Variants in MIAT observed in about 807,000 individuals in gnomAD.
The protein encoded by MIAT is MI related novel mRNA.
exon 5 of MIAT, chr22:26,675,605 A>G (rs1354910932): frequency 5.0e-6 from 2 of 398,562 alleles, no homozygotes; most frequent in Non-Finnish European, 8.8e-6. Flanking sequence ...TATCTCTGCA[A>G]TGACTGGAAA....
chr22:26,668,458 T>C (rs1930930173), exon 6 of MIAT: 2 of 398,748 alleles, frequency 5.0e-6, no homozygotes, highest in Non-Finnish European at 8.8e-6. Flanking sequence ...GGGCCCTGCC[T>C]GCTGGGCCCT....
downstream of MIAT, chr22:26,673,927 GT>G (rs535864809): frequency 4.7e-3 from 1,866 of 398,638 alleles, 14 homozygotes; most frequent in Non-Finnish European, 6.5e-3. Flanking sequence ...TCTGCATTTG[GT>G]TTCAGTTCTT....
intron 2 of MIAT, among the ~76,000 whole-genome samples, chr22:26,648,889 A>G (rs534133164): frequency 1.8e-3 from 268 of 149,628 alleles, no homozygotes; most frequent in Non-Finnish European, 2.7e-3. Flanking sequence ...TTGAGAGAGA[A>G]AGAGAGAGAG....
chr22:26,654,137 C>G (rs1025992402), intron 2 of MIAT, among the ~76,000 whole-genome samples: 1 of 152,174 alleles, frequency 6.6e-6, no homozygotes, highest in Non-Finnish European at 1.5e-5. Flanking sequence ...CCATTAACTT[C>G]TTGGTTTTGC....
At chr22:26,673,035 C>T (rs55969394), downstream of MIAT, 15,743 of 398,578 alleles carry the variant, frequency 0.039, 533 homozygotes, top group Admixed American at 0.15. Context: ...AAAGATCCGT[C>T]CCATTCCCGG....
At chr22:26,658,348 C>T (rs1029555534) in intron 2 of MIAT, 3 of 152,234 alleles carry the variant, frequency 2.0e-5, no homozygotes, top group Non-Finnish European at 4.4e-5. Flanking sequence ...TGGTAAGAAA[C>T]AACCCCATTT....
chr22:26,661,689 C>T (rs1246717001), intron 2 of MIAT, among the ~76,000 whole-genome samples: 2 of 151,872 alleles, frequency 1.3e-5, no homozygotes, highest in Non-Finnish European at 2.9e-5. Context: ...GACTCTGAAA[C>T]ATGTGTTTGT....
intron 2 of MIAT, among the ~76,000 whole-genome samples, chr22:26,656,787 GCTA>G (rs1270706846): frequency 2.0e-5 from 3 of 152,166 alleles, no homozygotes; most frequent in African/African-American, 7.2e-5. Context: ...TGTAGTCCCA[GCTA>G]CTCCGAAGGC....
intron 2 of MIAT, among the ~76,000 whole-genome samples, chr22:26,650,928 C>T (rs948836367): frequency 1.3e-5 from 2 of 152,172 alleles, no homozygotes; most frequent in African/African-American, 2.4e-5. Context: ...CTCTAAGCCT[C>T]GCTTTCCTTA....
chr22:26,666,051 C>T, exon 4 of MIAT: 1 of 398,584 alleles, frequency 2.5e-6, no homozygotes, highest in South Asian at 1.3e-4. Flanking sequence ...AACACTGTGA[C>T]TTTAGATGCA....
At chr22:26,649,675 G>C (rs1347819777) in intron 2 of MIAT, among the ~76,000 whole-genome samples, 3 of 152,238 alleles carry the variant, frequency 2.0e-5, no homozygotes, top group Non-Finnish European at 2.9e-5. Context: ...AGCACTTTGG[G>C]ACACTGAGGC....
At chr22:26,668,614 G>A (rs1023273074) in exon 6 of MIAT, 6 of 398,826 alleles carry the variant, frequency 1.5e-5, no homozygotes, top group Non-Finnish European at 2.2e-5. Flanking sequence ...GACCCTACAG[G>A]ATGGGGACAG....
downstream of MIAT, chr22:26,673,983 G>T (rs1449424663): frequency 1.3e-5 from 5 of 398,682 alleles, no homozygotes; most frequent in Non-Finnish European, 8.8e-6. Flanking sequence ...ACAAGTAGAT[G>T]CAGCTCTTAT....
rs114500008 is a variant in MIAT at position 26,646,902 on chromosome 22, C to T, written n.451C>T. 2.2e-3 allele frequency: 876 copies of T among 398,556 alleles called. 12 individuals are homozygous for T. The highest frequency in any genetic ancestry group is 0.016 in the African/African-American group (790 of 48,712). The allele number at this position is 398,556 out of a possible 1,614,324, so 24.7% of individuals were successfully genotyped here. A position where few individuals can be genotyped will look rare whatever the true frequency, so the allele number is the denominator to read the frequency against. ...AGACAGGTAGATAGGATCAAGGTGA[C>T]AGGAACAGATGTTCAGAGCAAGAGA... On this transcript the variant is annotated non_coding_transcript_exon_variant, in exon 1 of 6. Transcript: ENST00000643270.
chr22:26,670,137 C>T (rs1602371371), downstream of MIAT: 4 of 397,868 alleles, frequency 1.0e-5, no homozygotes, highest in Non-Finnish European at 1.8e-5. Context: ...CCCTTCCCTA[C>T]CTATTTTCCT....
In MIAT at chr22:26,667,349, T is replaced by TGTGTGC. The variant is rs1930883965; in HGVS notation, n.2262+46_2262+51dup. On this transcript the variant is annotated intron_variant and non_coding_transcript_variant, in intron 5 of 5. Coordinates refer to ENST00000643270, the Ensembl canonical transcript of MIAT. ...CCTGGGAGCAGTGTGTGTGTGTGTG[T>TGTGTGC]GTGTGCGTGTGCACATGTGTGTGCA... is the stretch of plus-strand genomic sequence containing the variant. 7 of 387,476 alleles carry TGTGTGC rather than the reference T, an allele frequency of 1.8e-5. No homozygotes were observed. The Admixed American group carries it at 2.3e-4, about 13-fold the overall frequency. The allele number at this position is 387,476 out of a possible 1,614,324, so 24.0% of individuals were successfully genotyped here.
exon 1 of MIAT, chr22:26,646,890 G>A (rs1930243803): frequency 2.5e-6 from 1 of 398,670 alleles, no homozygotes; most frequent in South Asian, 1.3e-4. Context: ...CAGGTAGATA[G>A]GATCAAGGTG....
chr22:26,647,077 T>A lies in MIAT; in HGVS notation n.509-97T>A, dbSNP rs1602351744. Reference sequence around the variant, plus strand: ...AGAAGGCATAAGCAGCTGGGGTCCCTGGAGACCCTGGGATGACACCGTCAG... The same window carrying A: ...AGAAGGCATAAGCAGCTGGGGTCCCAGGAGACCCTGGGATGACACCGTCAG... On this transcript the variant is annotated intron_variant and non_coding_transcript_variant, in intron 1 of 5. Transcript: ENST00000643270. The A allele has an allele frequency of 1.5e-5, 6 of 398,128 alleles. No homozygotes were observed. The East Asian group carries it at 2.1e-4, about 14-fold the overall frequency. The allele number at this position is 398,128 out of a possible 1,614,324, so 24.7% of individuals were successfully genotyped here. A position where few individuals can be genotyped will look rare whatever the true frequency, so the allele number is the denominator to read the frequency against.
At chr22:26,675,778 C>T in exon 5 of MIAT, 1 of 398,642 alleles carries the variant, frequency 2.5e-6, no homozygotes, top group Non-Finnish European at 4.4e-6. Context: ...ATTTGTCATG[C>T]ATGGCTGCAA....
Sources: gnomAD v4.1 joint callset for allele counts (sites outside exome capture counted in the v4.1 genomes callset) on GRCh38, gnomAD v4.1.1 for gene constraint, MANE v1.5 for transcripts, NCBI Gene and HGNC (gene_info 2026-07-23, HGNC 2026-07-21) for gene names.